Variants in HDAC5 observed in about 807,000 individuals in gnomAD.
HDAC5 encodes histone deacetylase 5.
In HDAC5, 25 loss-of-function variants were observed where a neutral mutation model predicts 133.3. That is an observed-to-expected ratio of 0.19 (90% CI 0.14 to 0.26). The LOEUF (loss-of-function observed/expected upper bound fraction) is 0.26, where lower values mean the gene tolerates loss of function less well. HDAC5 is among the 10% of genes least tolerant of loss of function. The pLI is 1.00. For missense variants in HDAC5, 1,041 were observed against 1,460.5 expected, an observed-to-expected ratio of 0.71 and a Z score of 4.68; for synonymous variants, 589 against 610.8, an observed-to-expected ratio of 0.96 and a Z score of 0.53.
At chr17:44,108,444 T>C (rs1598015937) in intron 3 of HDAC5, among the ~76,000 whole-genome samples, 1 of 152,024 alleles carries the variant, frequency 6.6e-6, no homozygotes, top group African/African-American at 2.4e-5. Flanking sequence ...ATCCCTAAAA[T>C]AGGGTTCTAA....
chr17:44,091,835 G>C lies in HDAC5; in HGVS notation c.1033-4C>G. 1 of 1,551,456 alleles carries C rather than the reference G, an allele frequency of 6.4e-7. No homozygotes were observed. The highest frequency in any genetic ancestry group is 8.7e-7 in the Non-Finnish European group (1 of 1,151,618). On this transcript the variant is annotated splice_polypyrimidine_tract_variant and splice_region_variant and intron_variant, in intron 9 of 26. Coordinates refer to ENST00000682912, the MANE Select transcript of HDAC5 (RefSeq NM_005474.5). ...GGGCTCGGTGCTGAGGGAGCATCTG[G>C]GGAGCAGTCAGAAGAGACAGGCATG... is the stretch of plus-strand genomic sequence containing the variant.
rs769187241 is a variant in HDAC5 at position 44,087,445 on chromosome 17, G to C, written c.1851C>G (p.Pro617=). 1 of 1,294,470 alleles carries C rather than the reference G, an allele frequency of 7.7e-7. No homozygotes were observed. Among genetic ancestry groups the C allele is most frequent in the African/African-American group, 1.5e-5 (1 of 68,668 alleles). The allele number at this position is 1,294,470 out of a possible 1,614,324, so 80.2% of individuals were successfully genotyped here. Residue 617 remains proline (P), a synonymous_variant, in exon 13 of 27, where the codon CCC becomes CCG. Transcript: ENST00000682912. ...EEGESGAEEG[P]DLEEPGAGYK... ...ATCCAGCACCAGGCTCCTCCAAGTC[G>C]GGCCCCTCCTCAGCACCACTCTCGC...
At chr17:44,107,816 C>T (rs2052064441) in intron 3 of HDAC5, among the ~76,000 whole-genome samples, 1 of 152,110 alleles carries the variant, frequency 6.6e-6, no homozygotes, top group African/African-American at 2.4e-5. Context: ...GACCCCATGG[C>T]ACTTCCCAGT....
intron 1 of HDAC5, among the ~76,000 whole-genome samples, chr17:44,120,927 G>C (rs961862649): frequency 2.0e-5 from 3 of 151,940 alleles, no homozygotes; most frequent in Admixed American, 6.6e-5. Context: ...AGCCATGAAG[G>C]GTGGCTGACT....
At chr17:44,082,891 A>C in intron 18 of HDAC5, 71 bp from the exon 19 acceptor site, 1 of 1,313,768 alleles carries the variant, frequency 7.6e-7, no homozygotes, top group African/African-American at 1.5e-5. Context: ...AGCACAGGAC[A>C]GAAGCACAAG....
intron 3 of HDAC5, among the ~76,000 whole-genome samples, chr17:44,101,874 G>T: frequency 6.6e-6 from 1 of 151,768 alleles, no homozygotes; most frequent in East Asian, 1.9e-4. Context: ...CAATAAAGAG[G>T]AGATGAGGTA....
At chr17:44,094,582 A>G (rs1203927980) in intron 3 of HDAC5, among the ~76,000 whole-genome samples, 1 of 152,176 alleles carries the variant, frequency 6.6e-6, no homozygotes. Context: ...GGTTGCAGTG[A>G]GCCAAGATCG....
At chr17:44,095,301 CCACTGTGCCCGCTCCCATTTCTCAA>C (rs781287097) in intron 3 of HDAC5, among the ~76,000 whole-genome samples, 4 of 152,196 alleles carry the variant, frequency 2.6e-5, no homozygotes, top group Non-Finnish European at 4.4e-5. Context: ...AAGCTTTTAA[CCACTGTGCCCGCTCCCATTTCTCAA>C]CACCGTGCCC....
Position 44,092,740 on chromosome 17 carries a change from G to A in HDAC5, c.708C>T (p.Pro236=), listed in dbSNP as rs2051018922. Residue 236 remains proline (P), a synonymous_variant, in exon 7 of 27, where the codon CCC becomes CCT. Coordinates refer to ENST00000682912, the MANE Select transcript of HDAC5 (RefSeq NM_005474.5). The stretch of plus-strand genomic sequence containing the variant: ...GCCCAGGCAAAGGCAGTTTGTAGGA[G>A]GGAGGCGTCCCAGGGGGGCCGCTCT... ...PPQSGPPGTP[P]SYKLPLPGPY... 6.7e-6 allele frequency: 10 copies of A among 1,485,810 alleles called. No individual in the cohort carries two copies. The highest frequency in any genetic ancestry group is 1.4e-5 in the South Asian group (1 of 70,466). The allele number at this position is 1,485,810 out of a possible 1,614,324, so 92.0% of individuals were successfully genotyped here.
chr17:44,115,289 G>A (rs964598893), intron 2 of HDAC5, among the ~76,000 whole-genome samples: 4 of 152,298 alleles, frequency 2.6e-5, no homozygotes, highest in South Asian at 2.1e-4. Flanking sequence ...GGTGGGAGGC[G>A]CTCAGGGGCT....
chr17:44,113,212 C>T (rs1314797610), intron 2 of HDAC5, among the ~76,000 whole-genome samples: 2 of 152,158 alleles, frequency 1.3e-5, no homozygotes, highest in African/African-American at 4.8e-5. Flanking sequence ...CGTCAGTTAC[C>T]AGGACTCAAA....
At chr17:44,121,695 C>A (rs958538469) in intron 1 of HDAC5, among the ~76,000 whole-genome samples, 2 of 151,924 alleles carry the variant, frequency 1.3e-5, no homozygotes, top group Non-Finnish European at 2.9e-5. Flanking sequence ...GCCACCCCTA[C>A]GGAAGGCAAA....
At position 44,087,460 on chromosome 17, in the gene HDAC5, A is replaced by G; in HGVS notation, c.1836T>C (p.Gly612=). 1 of 1,455,088 alleles carries G rather than the reference A, an allele frequency of 6.9e-7. No homozygotes were observed. Among genetic ancestry groups the G allele is most frequent in the Non-Finnish European group, 9.7e-7 (1 of 1,035,136 alleles). The allele number at this position is 1,455,088 out of a possible 1,614,324, so 90.1% of individuals were successfully genotyped here. A position where few individuals can be genotyped will look rare whatever the true frequency, so the allele number is the denominator to read the frequency against. The change falls in exon 13 of 27, where the codon GGT becomes GGC. Residue 612 remains glycine (G), a synonymous_variant. Transcript: ENST00000682912. ...CCTCCAAGTCGGGCCCCTCCTCAGCACCACTCTCGCCCTCCTCGTCCTTAA... is the reference window on the plus strand; with the variant it reads ...CCTCCAAGTCGGGCCCCTCCTCAGCGCCACTCTCGCCCTCCTCGTCCTTAA... ...IQVKDEEGES[G]AEEGPDLEEP...
intron 2 of HDAC5, 48 bp from the exon 3 acceptor site, chr17:44,110,848 A>C (rs1598023288): frequency 1.3e-5 from 20 of 1,488,310 alleles, no homozygotes; most frequent in Non-Finnish European, 1.7e-5. Flanking sequence ...CAGCATCTCC[A>C]CGAGCCCCTG....
intron 9 of HDAC5, 55 bp from the exon 10 acceptor site, chr17:44,091,886 G>C: frequency 6.6e-7 from 1 of 1,507,014 alleles, no homozygotes; most frequent in African/African-American, 1.4e-5. Flanking sequence ...GAGGCAACAA[G>C]GGAGGGCAAC....
intron 13 of HDAC5, among the ~76,000 whole-genome samples, chr17:44,086,986 C>T (rs933897485): frequency 0.027 from 76 of 2,838 alleles, no homozygotes; most frequent in African/African-American, 0.1. Context: ...GGGGTGGGGG[C>T]GGGGGCGGGG....
chr17:44,108,751 CAAAAAAAAAACAAAA>C (rs763706006), intron 3 of HDAC5, among the ~76,000 whole-genome samples: 2 of 56,944 alleles, frequency 3.5e-5, no homozygotes, highest in Non-Finnish European at 7.8e-5. Flanking sequence ...TTCCAGAGTC[CAAAAAAAAAACAAAA>C]AAAAAACAAA....
At chr17:44,080,287 T>TA in intron 22 of HDAC5, 62 bp from the exon 23 acceptor site, 1 of 1,561,030 alleles carries the variant, frequency 6.4e-7, no homozygotes, top group East Asian at 2.2e-5. Context: ...GCCCCACTGT[T>TA]ATCCTCCCAG....
At position 44,078,413 on chromosome 17, in the gene HDAC5, G is replaced by A. The variant is rs373427579; in HGVS notation, c.3332C>T (p.Pro1111Leu). The change falls in exon 27 of 27, where the codon CCG (proline) becomes CTG (leucine). Residue 1111 changes from proline to leucine, a missense_variant and splice_region_variant. Coordinates refer to ENST00000682912, the MANE Select transcript of HDAC5 (RefSeq NM_005474.5). ...CTCCTGCTCCATGGGCTCCTCTGCC[G>A]GCCTGTGGGGCAAGCACAGGGGAGG... is the stretch of plus-strand genomic sequence containing the variant. ...AAAAREHSPR[P>L]AEEPMEQEPA... 9.1e-6 allele frequency: 14 copies of A among 1,533,496 alleles called. No individual in the cohort carries two copies. The highest frequency in any genetic ancestry group is 2.1e-5 in the Admixed American group (1 of 48,022). 95.0% of individuals were successfully genotyped at this position (1,533,496 alleles called of 1,614,324 possible).
Sources: allele counts gnomAD v4.1 joint callset (sites outside exome capture counted in the v4.1 genomes callset), GRCh38; gene constraint gnomAD v4.1.1; transcripts MANE v1.5; gene names NCBI Gene and HGNC (gene_info 2026-07-23, HGNC 2026-07-21).